The following VPS29 variants were observed in gnomAD, a reference collection of about 807,000 sequenced individuals.
The protein encoded by VPS29 is vacuolar protein sorting-associated protein 29.
VPS29 carries 2 observed loss-of-function variants against 20.0 expected under a neutral mutation model. The observed-to-expected ratio is 0.10, with a 90% CI of 0.04 to 0.31. VPS29 has a LOEUF of 0.31. Ranked by LOEUF, VPS29 falls within the 10% of genes least tolerant of loss-of-function variation. The pLI, the probability that VPS29 is intolerant of heterozygous loss-of-function variation, is 1.00. For synonymous variants in VPS29, 81 were observed against 79.3 expected, an observed-to-expected ratio of 1.02 and a Z score of -0.12; for missense variants, 120 against 215.3, an observed-to-expected ratio of 0.56 and a Z score of 2.77.
At chr12:110,496,743 A>G (rs1272634163) in intron 1 of VPS29, 1 of 152,388 alleles carries the variant, frequency 6.6e-6, no homozygotes, top group Non-Finnish European at 1.5e-5. Context: ...AATAGACAAA[A>G]AAGTTAATTA....
At chr12:110,495,982 T>G in intron 2 of VPS29, 30 bp downstream of exon 2, 3 of 1,466,294 alleles carry the variant, frequency 2.0e-6, no homozygotes, top group South Asian at 1.5e-5. Flanking sequence ...GAAAGGGAGA[T>G]ATTTGAGAAG....
At chr12:110,500,005 A>G (rs886454159) in intron 1 of VPS29, among the ~76,000 whole-genome samples, 2 of 152,230 alleles carry the variant, frequency 1.3e-5, no homozygotes, top group Non-Finnish European at 2.9e-5. Context: ...TTATTCAAGT[A>G]TATGGATGTT....
chr12:110,492,237 A>G (rs2062827396), intron 3 of VPS29, 115 bp from the exon 4 acceptor site: 2 of 822,528 alleles, frequency 2.4e-6, no homozygotes, highest in South Asian at 1.6e-5. Flanking sequence ...TCACATGAAC[A>G]GTTACCAAAA....
intron 1 of VPS29, among the ~76,000 whole-genome samples, chr12:110,501,176 T>C (rs1398533385): frequency 6.6e-6 from 1 of 151,922 alleles, no homozygotes; most frequent in African/African-American, 2.4e-5. Context: ...AGACTCCATC[T>C]CAAAAAGAAA....
At chr12:110,497,761 G>A (rs1023283591) in intron 1 of VPS29, among the ~76,000 whole-genome samples, 1 of 151,430 alleles carries the variant, frequency 6.6e-6, no homozygotes, top group African/African-American at 2.4e-5. Flanking sequence ...GCTGGGCACG[G>A]TGGCAGGCGC....
Position 110,493,076 on chromosome 12 carries a change from G to T in VPS29, c.351C>A (p.His117Gln). 1 of 1,613,584 alleles carries T rather than the reference G, an allele frequency of 6.2e-7. No individual in the cohort carries two copies. The highest frequency in any genetic ancestry group is 8.5e-7 in the Non-Finnish European group (1 of 1,179,804). The change falls in exon 3 of 4, where the codon CAC (histidine) becomes CAA (glutamine). Residue 117 changes from histidine to glutamine, a missense_variant. Transcript: ENST00000549578. ...DVDILISGHT[H>Q]KFEAFEHENK... is the part of the protein sequence containing the mutation. ...TTTCATGCTCAAATGCTTCAAATTT[G>T]TGTGTGTGTCCCGAGATAAGAATGT...
chr12:110,501,938 C>A (rs769810163), intron 1 of VPS29, 111 bp downstream of exon 1: 5 of 1,605,216 alleles, frequency 3.1e-6, no homozygotes, highest in Non-Finnish European at 3.4e-6. Flanking sequence ...GGCCCTGACG[C>A]CGAGGCCTCC....
At chr12:110,498,708 G>T (rs2062946851) in intron 1 of VPS29, 1 of 330,704 alleles carries the variant, frequency 3.0e-6, no homozygotes, top group Non-Finnish European at 4.3e-6. Context: ...GCAGGTATTT[G>T]TTGTATGACC....
chr12:110,492,326 T>C (rs2062829082), intron 3 of VPS29, among the ~76,000 whole-genome samples: 1 of 152,140 alleles, frequency 6.6e-6, no homozygotes, highest in African/African-American at 2.4e-5. Flanking sequence ...TCCCAGCACT[T>C]TGGGAGGCTG....
intron 2 of VPS29, 109 bp downstream of exon 2, chr12:110,495,903 A>G (rs964597646): frequency 2.0e-4 from 104 of 512,026 alleles, no homozygotes; most frequent in Middle Eastern, 1.0e-3. Flanking sequence ...AGAAAAAGGG[A>G]AAAAAAAAAA....
chr12:110,499,846 T>C (rs2062971353), intron 1 of VPS29, among the ~76,000 whole-genome samples: 1 of 152,226 alleles, frequency 6.6e-6, no homozygotes, highest in African/African-American at 2.4e-5. Flanking sequence ...TCTTGTTCTG[T>C]ACATCGACTT....
At chr12:110,499,465 G>T in intron 1 of VPS29, 1 of 1,604,102 alleles carries the variant, frequency 6.2e-7, no homozygotes, top group South Asian at 1.1e-5. Flanking sequence ...ACCTTAAAAG[G>T]GTAAGAAATC....
chr12:110,492,184 C>G, intron 3 of VPS29, 62 bp from the exon 4 acceptor site: 2 of 1,254,736 alleles, frequency 1.6e-6, no homozygotes, highest in Non-Finnish European at 2.3e-6. Flanking sequence ...CTATAAATTT[C>G]AATTTAAGAT....
chr12:110,494,065 G>A (rs2062860110), intron 2 of VPS29, among the ~76,000 whole-genome samples: 1 of 151,960 alleles, frequency 6.6e-6, no homozygotes, highest in South Asian at 2.1e-4. Context: ...CAGGCAAAGA[G>A]GTTGTTTGTC....
chr12:110,493,262 GT>G (rs2062848192), intron 2 of VPS29, 31 bp from the exon 3 acceptor site: 1 of 1,391,066 alleles, frequency 7.2e-7, no homozygotes, highest in Non-Finnish European at 9.5e-7. Flanking sequence ...AAGAAAATAT[GT>G]ATTTTAGAGA....
chr12:110,498,482 TAATC>T (rs1475711432), intron 1 of VPS29, among the ~76,000 whole-genome samples: 3 of 152,192 alleles, frequency 2.0e-5, no homozygotes, highest in South Asian at 2.1e-4. Flanking sequence ...AAATGAAAAT[TAATC>T]AAACAAACAA....
intron 1 of VPS29, chr12:110,499,476 C>T: frequency 6.2e-7 from 1 of 1,608,286 alleles, no homozygotes; most frequent in Non-Finnish European, 8.5e-7. Flanking sequence ...GTAAGAAATC[C>T]AGTCAGTAAA....
chr12:110,493,272 G>A, intron 2 of VPS29, 41 bp from the exon 3 acceptor site: 1 of 1,347,578 alleles, frequency 7.4e-7, no homozygotes, highest in Non-Finnish European at 9.8e-7. Context: ...GTATTTTAGA[G>A]ATACTGATGT....
At chr12:110,496,697 G>A (rs900270757) in intron 1 of VPS29, 2 of 151,914 alleles carry the variant, frequency 1.3e-5, no homozygotes, top group Non-Finnish European at 1.5e-5. Context: ...AACATGAAAT[G>A]ATATATTAAT....
Sources: gnomAD v4.1 joint callset for allele counts (sites outside exome capture counted in the v4.1 genomes callset) on GRCh38, gnomAD v4.1.1 for gene constraint, MANE v1.5 for transcripts, NCBI Gene and HGNC (gene_info 2026-07-23, HGNC 2026-07-21) for gene names.